The following TBC1D1 variants were observed in gnomAD, a reference collection of about 807,000 sequenced individuals.
The protein encoded by TBC1D1 is TBC1 (tre-2/USP6, BUB2, cdc16) domain family, member 1.
Under a neutral mutation model 125.6 loss-of-function variants are expected in TBC1D1, and 89 were observed. That is an observed-to-expected ratio of 0.71 (90% CI 0.60 to 0.85). TBC1D1 has a LOEUF of 0.85. TBC1D1 is among the 40% of genes least tolerant of loss of function. The pLI is 0.00. For missense variants in TBC1D1, 1,377 were observed against 1,469.2 expected (o/e 0.94, Z 1.03); for synonymous variants, 565 against 564.1 (o/e 1.00, Z -0.02).
At position 38,033,167 on chromosome 4, in the gene TBC1D1, T is replaced by C. The variant is rs147505252; in HGVS notation, c.1303-2421T>C. On this transcript the variant is annotated intron_variant, in intron 7 of 19. Coordinates refer to ENST00000261439, the MANE Select transcript of TBC1D1 (RefSeq NM_015173.4). ...TATTTTGAGGGGAAAAATATATTAA[T>C]ACTCCTCCTCTTACTATATGATTAG... Among the ~76,000 whole-genome samples, 1,149 of 152,324 alleles carry C rather than the reference T, an allele frequency of 7.5e-3. 11 individuals are homozygous for C. Among genetic ancestry groups the C allele is most frequent in the Middle Eastern group, 0.041 (12 of 294 alleles).
chr4:38,059,257 G>A (rs1752321334), intron 12 of TBC1D1, among the ~76,000 whole-genome samples: 1 of 152,096 alleles, frequency 6.6e-6, no homozygotes, highest in Non-Finnish European at 1.5e-5. Context: ...TCTCTTGTAA[G>A]AATTACAGCC....
chr4:37,996,317 A>T (rs2152396796), intron 2 of TBC1D1: 1 of 197,574 alleles, frequency 5.1e-6, no homozygotes, highest in African/African-American at 2.3e-5. Flanking sequence ...TATAACTCCG[A>T]GAATGCCAAG....
At chr4:37,924,005 G>T (rs1721564777) in intron 2 of TBC1D1, among the ~76,000 whole-genome samples, 1 of 152,062 alleles carries the variant, frequency 6.6e-6, no homozygotes, top group African/African-American at 2.4e-5. Context: ...AGCCTCATTT[G>T]GCTCCTGTGT....
rs370281844 is a variant in TBC1D1 at position 37,922,574 on chromosome 4, C to T, written c.417+20062C>T. Among the ~76,000 whole-genome samples the T allele has an allele frequency of 2.0e-4, 30 of 152,326 alleles. 1 individual carries two copies. In the South Asian group the frequency reaches 3.9e-3, roughly 20 times the overall value. On this transcript the variant is annotated intron_variant, in intron 2 of 19. Transcript: ENST00000261439. ...CAGACCCTCCACCCTCATCTGTACTCGTCTGAGACTCCCTCGCTTTGTTCC... is the reference window on the plus strand; with the variant it reads ...CAGACCCTCCACCCTCATCTGTACTTGTCTGAGACTCCCTCGCTTTGTTCC...
At chr4:37,904,042 C>T (rs939051651) in intron 2 of TBC1D1, among the ~76,000 whole-genome samples, 1 of 152,218 alleles carries the variant, frequency 6.6e-6, no homozygotes, top group Non-Finnish European at 1.5e-5. Context: ...TCTAATCCTA[C>T]TTCTGCACCC....
At chr4:38,038,904 C>A (rs965143131) in intron 8 of TBC1D1, among the ~76,000 whole-genome samples, 14 of 150,924 alleles carry the variant, frequency 9.3e-5, no homozygotes, top group Admixed American at 6.6e-5. Flanking sequence ...CGAGGTCGCA[C>A]CACTGCACTC....
intron 18 of TBC1D1, among the ~76,000 whole-genome samples, chr4:38,130,133 T>A (rs1377328843): frequency 2.0e-5 from 3 of 152,208 alleles, no homozygotes; most frequent in African/African-American, 7.2e-5. Context: ...ATGACTGGAT[T>A]AATATGATGA....
chr4:37,984,018 A>G (rs772287580), intron 2 of TBC1D1, among the ~76,000 whole-genome samples: 1 of 152,120 alleles, frequency 6.6e-6, no homozygotes, highest in Non-Finnish European at 1.5e-5. Context: ...CATACAGTAT[A>G]TATGTAGCCT....
chr4:38,125,247 A>G (rs1764459109), intron 18 of TBC1D1, 116 bp downstream of exon 20: 2 of 966,196 alleles, frequency 2.1e-6, no homozygotes, highest in South Asian at 3.3e-5. Context: ...GGCATTCTGC[A>G]TGATGCCTGG....
chr4:37,905,431 T>C (rs562429396), intron 2 of TBC1D1, among the ~76,000 whole-genome samples: 28 of 152,278 alleles, frequency 1.8e-4, no homozygotes, highest in Non-Finnish European at 2.9e-4. Flanking sequence ...AAAGATTTTT[T>C]AAAATTGAGA....
At chr4:38,132,845 C>A in intron 18 of TBC1D1, 27 of 203,762 alleles carry the variant, frequency 1.3e-4, no homozygotes, top group East Asian at 4.2e-4. Flanking sequence ...GTATCAAAAA[C>A]CTGTACTTAA....
chr4:38,005,007 G>C (rs916120337), intron 2 of TBC1D1, among the ~76,000 whole-genome samples: 2 of 151,904 alleles, frequency 1.3e-5, no homozygotes, highest in Non-Finnish European at 2.9e-5. Flanking sequence ...TGGCAGGGAG[G>C]GGGAGGGAGA....
intron 2 of TBC1D1, among the ~76,000 whole-genome samples, chr4:37,971,602 C>G (rs1050115250): frequency 2.0e-5 from 3 of 152,144 alleles, no homozygotes; most frequent in Admixed American, 2.0e-4. Flanking sequence ...GGGACACAGC[C>G]AAACCATATC....
In TBC1D1 at chr4:38,099,653, G is replaced by A. The variant is rs76509035; in HGVS notation, c.2399-3346G>A. Among the ~76,000 whole-genome samples the A allele has an allele frequency of 5.4e-3, 820 of 152,268 alleles. 10 individuals are homozygous for A. Among genetic ancestry groups the A allele is most frequent in the African/African-American group, 0.019 (786 of 41,536 alleles). ...ATATTATTTTTTAAGTGAGTAAGAA[G>A]CTATTTACATGGGGGATGGAGGAAT... On this transcript the variant is annotated intron_variant, in intron 14 of 19. Transcript: ENST00000261439.
intron 1 of TBC1D1, among the ~76,000 whole-genome samples, chr4:37,892,623 T>A (rs1713598166): frequency 6.6e-6 from 1 of 152,180 alleles, no homozygotes; most frequent in South Asian, 2.1e-4. Context: ...ACTAGTGTAG[T>A]TATAAATTAT....
chr4:38,122,292 CAAT>C (rs1763977506), intron 17 of TBC1D1, among the ~76,000 whole-genome samples: 3 of 152,188 alleles, frequency 2.0e-5, no homozygotes, highest in African/African-American at 7.2e-5. Flanking sequence ...AGAAAAGGAA[CAAT>C]AAGCATTCAG....
intron 2 of TBC1D1, among the ~76,000 whole-genome samples, chr4:37,919,627 G>T (rs1720500945): frequency 1.3e-5 from 2 of 152,156 alleles, no homozygotes; most frequent in Non-Finnish European, 2.9e-5. Flanking sequence ...TAATGTAAAT[G>T]CAGAATCTGC....
At chr4:37,967,650 T>C (rs1221418042) in intron 2 of TBC1D1, among the ~76,000 whole-genome samples, 1 of 152,226 alleles carries the variant, frequency 6.6e-6, no homozygotes, top group African/African-American at 2.4e-5. Context: ...TATTCACTAA[T>C]AGATTTGATC....
chr4:38,110,851 G>A (rs1762084305), intron 15 of TBC1D1: 2 of 982,546 alleles, frequency 2.0e-6, no homozygotes, highest in Non-Finnish European at 2.4e-6. Context: ...CTTTCCCTGA[G>A]CTGGTGTCTT....
Sources: allele counts gnomAD v4.1 joint callset (sites outside exome capture counted in the v4.1 genomes callset), GRCh38; gene constraint gnomAD v4.1.1; transcripts MANE v1.5; gene names NCBI Gene and HGNC (gene_info 2026-07-23, HGNC 2026-07-21).